DMRTA2: variants seen among roughly 807,000 people sequenced by gnomAD.
DMRTA2 encodes the protein doublesex- and mab-3-related transcription factor A2.
Under a neutral mutation model 29.7 loss-of-function variants are expected in DMRTA2, and 10 were observed. The ratio of observed to expected loss-of-function variants is 0.34; its 90% CI spans 0.21 to 0.57. The LOEUF (loss-of-function observed/expected upper bound fraction) is 0.57. DMRTA2 is among the 20% of genes least tolerant of loss of function. The pLI is 0.87. For synonymous variants in DMRTA2, 469 were observed against 402.6 expected (o/e 1.16, Z -1.97); for missense variants, 783 against 812.1 (o/e 0.96, Z 0.44).
At position 50,419,063 on chromosome 1, in the gene DMRTA2, C is replaced by G; in HGVS notation, c.1231G>C (p.Ala411Pro). The G allele has an allele frequency of 7.8e-7, 1 of 1,282,050 alleles. No homozygotes were observed. Among genetic ancestry groups the G allele is most frequent in the South Asian group, 2.5e-5 (1 of 40,502 alleles). 79.4% of individuals were successfully genotyped at this position (1,282,050 alleles called of 1,614,324 possible). ...AAGGGTCTGTGGTGCGGAGGTGCGG[C>G]GGGCCCCGCCTGCAGCGGCGCAGGC... ...GLPAPLQAGP[A>P]APPHHRPLLA... The change falls in exon 3 of 3, where the codon GCC becomes CCC. Residue 411 changes from alanine (A) to proline (P), a missense_variant. By Grantham distance (27) the Ala-to-Pro change is conservative. Around this residue, in one of 3 missense-constraint regions of DMRTA2, gnomAD observed 667 missense variants for 624.8 expected, o/e 1.07. Coordinates refer to ENST00000404795, the MANE Select transcript of DMRTA2 (RefSeq NM_032110.3). This position sits in a 1 kb window ranked among gnomAD's most constrained non-coding sequence, Gnocchi z 6.1.
rs543526149 is a variant in DMRTA2, at chr1:50,418,481, A to C, written c.*184T>G. On this transcript the variant is annotated 3_prime_UTR_variant, in exon 3 of 3. Coordinates refer to ENST00000404795, the MANE Select transcript of DMRTA2 (RefSeq NM_032110.3). ...TCCGAGAACACCTGCACCTGTCTGTAGCTGCTCCCCCTTTGCTCAGCCTTC... is the reference window on the plus strand; with the variant it reads ...TCCGAGAACACCTGCACCTGTCTGTCGCTGCTCCCCCTTTGCTCAGCCTTC... 1 of 434,298 alleles carries C rather than the reference A, an allele frequency of 2.3e-6. No individual in the cohort carries two copies. Among genetic ancestry groups the C allele is most frequent in the African/African-American group, 2.0e-5 (1 of 48,818 alleles). 26.9% of individuals were successfully genotyped at this position (434,298 alleles called of 1,614,324 possible).
At position 50,418,938 on chromosome 1, in the gene DMRTA2, C is replaced by T. The variant is rs955313924; in HGVS notation, c.1356G>A (p.Ala452=). 5 of 1,438,290 alleles carry T rather than the reference C, an allele frequency of 3.5e-6. No homozygotes were observed. Among genetic ancestry groups the T allele is most frequent in the Non-Finnish European group, 4.5e-6 (5 of 1,101,670 alleles). The allele number at this position is 1,438,290 out of a possible 1,614,324, so 89.1% of individuals were successfully genotyped here. The part of the protein sequence containing the change: ...QPNASHFGAD[A]GAYPLGAPLG... ...GCGGCGCGCCCAGCGGGTAGGCGCC[C>T]GCGTCGGCACCGAAGTGACTGGCGT... Residue 452 remains alanine (A), a synonymous_variant, in exon 3 of 3, where the codon GCG becomes GCA. Coordinates refer to ENST00000404795, the MANE Select transcript of DMRTA2 (RefSeq NM_032110.3).
chr1:50,421,052 G>A lies in DMRTA2; in HGVS notation c.485C>T (p.Ala162Val). 1.3e-6 allele frequency: 2 copies of A among 1,514,116 alleles called. No individual in the cohort carries two copies. Among genetic ancestry groups the A allele is most frequent in the Non-Finnish European group, 1.8e-6 (2 of 1,137,698 alleles). The allele number at this position is 1,514,116 out of a possible 1,614,324, so 93.8% of individuals were successfully genotyped here. Residue 162 changes from alanine (A) to valine (V), a missense_variant, in exon 2 of 3, where the codon GCC becomes GTC. By Grantham distance (64) the Ala-to-Val change is moderately conservative. Transcript: ENST00000404795. This position sits in a 1 kb window ranked among gnomAD's most constrained non-coding sequence, Gnocchi z 8.7. ...PAYEVFGSVC[A>V]ADGGGPGAGA... The stretch of plus-strand genomic sequence containing the variant: ...CGCTCCAGGTCCCCCGCCGTCGGCG[G>A]CGCACACTGAACCGAAGACCTCGTA...
rs755482672 is a variant in DMRTA2 at position 50,420,167 on chromosome 1, G to A, written c.560-433C>T. 6.6e-6 allele frequency among the ~76,000 whole-genome samples: 1 copy of A among 152,176 alleles called. No individual in the cohort carries two copies. The highest frequency in any genetic ancestry group is 2.4e-5 in the African/African-American group (1 of 41,444). ...AATGCCTGCCCTGGCAGTGCAGCCT[G>A]TAAGGAAAGGCGCCTTGGTTATCTA... On this transcript the variant is annotated intron_variant, in intron 2 of 2. Coordinates refer to ENST00000404795, the MANE Select transcript of DMRTA2 (RefSeq NM_032110.3). The surrounding 1 kb of genome is among the most constrained non-coding windows in gnomAD (Gnocchi z 4.1).
At position 50,419,803 on chromosome 1, in the gene DMRTA2, T is replaced by A; in HGVS notation, c.560-69A>T. The A allele has an allele frequency of 7.6e-7, 1 of 1,317,112 alleles. No homozygotes were observed. Among genetic ancestry groups the A allele is most frequent in the African/African-American group, 1.6e-5 (1 of 64,052 alleles). 81.6% of individuals were successfully genotyped at this position (1,317,112 alleles called of 1,614,324 possible). A position where few individuals can be genotyped will look rare whatever the true frequency, so the allele number is the denominator to read the frequency against. On this transcript the variant is annotated intron_variant, in intron 2 of 2. Coordinates refer to ENST00000404795, the MANE Select transcript of DMRTA2 (RefSeq NM_032110.3). The surrounding 1 kb of genome is among the most constrained non-coding windows in gnomAD (Gnocchi z 6.1). ...GACAGCAGTCACAGCACCTCGGCCC[T>A]TTGGATCTCAGTTTCCTCTCCCTCA...
chr1:50,419,562 G>A lies in DMRTA2; in HGVS notation c.732C>T (p.Gly244=). 6.4e-7 allele frequency: 1 copy of A among 1,560,568 alleles called. No individual in the cohort carries two copies. Among genetic ancestry groups the A allele is most frequent in the East Asian group, 2.4e-5 (1 of 42,540 alleles). Residue 244 remains glycine, a synonymous_variant, in exon 3 of 3, where the codon GGC becomes GGT. Coordinates refer to ENST00000404795, the MANE Select transcript of DMRTA2 (RefSeq NM_032110.3). This position sits in a 1 kb window ranked among gnomAD's most constrained non-coding sequence, Gnocchi z 6.1. ...CTAGGGGCGAACCAGAAAAGGACTC[G>A]CCATCGCCGTTCTCCGAGCCTGAGC... ...RPGSGSENGD[G]ESFSGSPLAR... is the part of the protein sequence containing the mutation.
Position 50,421,667 on chromosome 1 carries a change from A to G in DMRTA2, c.-8-123T>C. 1 of 1,127,692 alleles carries G rather than the reference A, an allele frequency of 8.9e-7. No individual in the cohort carries two copies. The highest frequency in any genetic ancestry group is 4.6e-5 in the South Asian group (1 of 21,900). The allele number at this position is 1,127,692 out of a possible 1,614,324, so 69.9% of individuals were successfully genotyped here. Reference sequence around the variant, plus strand: ...AAATTTGGGCCGCGGAGGCTGGGCTAGAGGGGCCAGAATTGCTGGGAGGAG... The same window carrying G: ...AAATTTGGGCCGCGGAGGCTGGGCTGGAGGGGCCAGAATTGCTGGGAGGAG... On this transcript the variant is annotated intron_variant, in intron 1 of 2. Coordinates refer to ENST00000404795, the MANE Select transcript of DMRTA2 (RefSeq NM_032110.3). The surrounding 1 kb of genome is among the most constrained non-coding windows in gnomAD (Gnocchi z 8.7).
At position 50,421,511 on chromosome 1, in the gene DMRTA2, C is replaced by T. The variant is rs1212645547; in HGVS notation, c.26G>A (p.Ser9Asn). Residue 9 changes from serine to asparagine, a missense_variant, in exon 2 of 3, where the codon AGC (serine) becomes AAC (asparagine). Transcript: ENST00000404795. This position sits in a 1 kb window ranked among gnomAD's most constrained non-coding sequence, Gnocchi z 8.7. MELRSELP[S>N]VPGAATAAAA... ...CGCCGCCGTCGCCGCGCCGGGCACG[C>T]TGGGCAGCTCCGAGCGCAGCTCCAT... 5.5e-6 allele frequency: 7 copies of T among 1,266,732 alleles called. No individual in the cohort carries two copies. In the East Asian group the frequency reaches 2.2e-4, roughly 40 times the overall value. 78.5% of individuals were successfully genotyped at this position (1,266,732 alleles called of 1,614,324 possible).
chr1:50,421,644 A>G lies in DMRTA2; in HGVS notation c.-8-100T>C. ...TGAGGAACCCAAGCTGGAGAGGGAAATTTGGGCCGCGGAGGCTGGGCTAGA... is the reference window on the plus strand; with the variant it reads ...TGAGGAACCCAAGCTGGAGAGGGAAGTTTGGGCCGCGGAGGCTGGGCTAGA... On this transcript the variant is annotated intron_variant, in intron 1 of 2. Transcript: ENST00000404795. The surrounding 1 kb of genome is among the most constrained non-coding windows in gnomAD (Gnocchi z 8.7). 8.4e-6 allele frequency: 10 copies of G among 1,189,420 alleles called. No homozygotes were observed. The highest frequency in any genetic ancestry group is 1.0e-5 in the Non-Finnish European group (10 of 960,560). 73.7% of individuals were successfully genotyped at this position (1,189,420 alleles called of 1,614,324 possible). A position where few individuals can be genotyped will look rare whatever the true frequency, so the allele number is the denominator to read the frequency against.
rs577335433 is a variant in DMRTA2 at position 50,418,646 on chromosome 1, G to C, written c.*19C>G. ...TGGGGTTCCTGTTTGGGGACCGGCCGGCTGCCAGGCCCCTCGCCCTACTGC... is the reference window on the plus strand; with the variant it reads ...TGGGGTTCCTGTTTGGGGACCGGCCCGCTGCCAGGCCCCTCGCCCTACTGC... On this transcript the variant is annotated 3_prime_UTR_variant, in exon 3 of 3. Transcript: ENST00000404795. The C allele has an allele frequency of 3.3e-5, 46 of 1,373,716 alleles. No homozygotes were observed. The highest frequency in any genetic ancestry group is 2.8e-4 in the South Asian group (16 of 57,522). The allele number at this position is 1,373,716 out of a possible 1,614,324, so 85.1% of individuals were successfully genotyped here.
At position 50,420,901 on chromosome 1, in the gene DMRTA2, C is replaced by CCGAGACAA; in HGVS notation, c.559+69_559+76dup. On this transcript the variant is annotated intron_variant, in intron 2 of 2. Coordinates refer to ENST00000404795, the MANE Select transcript of DMRTA2 (RefSeq NM_032110.3). This position sits in a 1 kb window ranked among gnomAD's most constrained non-coding sequence, Gnocchi z 4.1. The stretch of plus-strand genomic sequence containing the variant: ...ACACGGGGGTTCTACTCTTTCTGAA[C>CCGAGACAA]CGAGACAAGCCCCTGGGCCCCGTGC... 1 of 1,386,934 alleles carries CCGAGACAA rather than the reference C, an allele frequency of 7.2e-7. No homozygotes were observed. The highest frequency in any genetic ancestry group is 9.3e-7 in the Non-Finnish European group (1 of 1,078,796). 85.9% of individuals were successfully genotyped at this position (1,386,934 alleles called of 1,614,324 possible). A position where few individuals can be genotyped will look rare whatever the true frequency, so the allele number is the denominator to read the frequency against.
chr1:50,418,664 C>A lies in DMRTA2; in HGVS notation c.*1G>T. 7.2e-7 allele frequency: 1 copy of A among 1,395,818 alleles called. No individual in the cohort carries two copies. The highest frequency in any genetic ancestry group is 9.3e-7 in the Non-Finnish European group (1 of 1,073,280). 86.5% of individuals were successfully genotyped at this position (1,395,818 alleles called of 1,614,324 possible). A position where few individuals can be genotyped will look rare whatever the true frequency, so the allele number is the denominator to read the frequency against. On this transcript the variant is annotated 3_prime_UTR_variant, in exon 3 of 3. Transcript: ENST00000404795. ...ACCGGCCGGCTGCCAGGCCCCTCGC[C>A]CTACTGCTTCTCCGGAGCGCCGTTG...
rs997073753 is a variant in DMRTA2 at position 50,419,281 on chromosome 1, C to T, written c.1013G>A (p.Gly338Asp). The stretch of plus-strand genomic sequence containing the variant: ...GGCCTGCACCACGTCGCCGCCGCAG[C>T]CCTGCAACACCAGCTCCAGGACGCC... ...RRGVLELVLQGCGGDVVQAIE... is the reference protein window; with the variant it reads ...RRGVLELVLQDCGGDVVQAIE... The change falls in exon 3 of 3, where the codon GGC (glycine) becomes GAC (aspartate). Residue 338 changes from glycine to aspartate, a missense_variant. Physicochemically the swap from Gly to Asp is moderately conservative, Grantham distance 94. This residue lies in a region of DMRTA2 where 667 missense variants were observed against 624.8 expected (regional missense o/e 1.07). Transcript: ENST00000404795. The surrounding 1 kb of genome is among the most constrained non-coding windows in gnomAD (Gnocchi z 6.1). 1.3e-6 allele frequency: 2 copies of T among 1,592,832 alleles called. No homozygotes were observed.
chr1:50,419,484 G>T lies in DMRTA2; in HGVS notation c.810C>A (p.Gly270=). ...GGSCPGSAGP[G]GGGEEDSPGS... ...CCGGGCTGTCCTCCTCGCCGCCGCCGCCAGGGCCAGCGCTGCCTGGGCAGC... is the reference window on the plus strand; with the variant it reads ...CCGGGCTGTCCTCCTCGCCGCCGCCTCCAGGGCCAGCGCTGCCTGGGCAGC... The change falls in exon 3 of 3, where the codon GGC becomes GGA. Residue 270 remains glycine (G), a synonymous_variant. Coordinates refer to ENST00000404795, the MANE Select transcript of DMRTA2 (RefSeq NM_032110.3). The surrounding 1 kb of genome is among the most constrained non-coding windows in gnomAD (Gnocchi z 6.1). The T allele has an allele frequency of 6.3e-7, 1 of 1,593,404 alleles. No homozygotes were observed. Among genetic ancestry groups the T allele is most frequent in the Non-Finnish European group, 8.5e-7 (1 of 1,174,478 alleles).
chr1:50,421,600 C>G lies in DMRTA2; in HGVS notation c.-8-56G>C. 1 of 1,218,276 alleles carries G rather than the reference C, an allele frequency of 8.2e-7. No individual in the cohort carries two copies. The highest frequency in any genetic ancestry group is 1.0e-6 in the Non-Finnish European group (1 of 980,382). The allele number at this position is 1,218,276 out of a possible 1,614,324, so 75.5% of individuals were successfully genotyped here. On this transcript the variant is annotated intron_variant, in intron 1 of 2. Coordinates refer to ENST00000404795, the MANE Select transcript of DMRTA2 (RefSeq NM_032110.3). The surrounding 1 kb of genome is among the most constrained non-coding windows in gnomAD (Gnocchi z 8.7). ...GACCTGGTGAGGAGCACACCGCGCG[C>G]TAGGCCAAAGCGCCGCCTTGAGGAA...
In DMRTA2 at chr1:50,422,444, G is replaced by A. The variant is rs139631655; in HGVS notation, c.-9+672C>T. 1.3e-4 allele frequency among the ~76,000 whole-genome samples: 20 copies of A among 152,350 alleles called. No homozygotes were observed. The East Asian group carries it at 3.9e-3, about 29-fold the overall frequency. On this transcript the variant is annotated intron_variant, in intron 1 of 2. Transcript: ENST00000404795. The surrounding 1 kb of genome is among the most constrained non-coding windows in gnomAD (Gnocchi z 5.7). The stretch of plus-strand genomic sequence containing the variant: ...TGAAAAGCAGCTGATCTGGGTGTCC[G>A]GGATCCAGGGGCCGCGCCTGGGAGA...
Position 50,421,521 on chromosome 1 carries a change from C to T in DMRTA2, c.16G>A (p.Glu6Lys). 7.9e-7 allele frequency: 1 copy of T among 1,262,678 alleles called. No homozygotes were observed. The highest frequency in any genetic ancestry group is 9.9e-7 in the Non-Finnish European group (1 of 1,009,560). 78.2% of individuals were successfully genotyped at this position (1,262,678 alleles called of 1,614,324 possible). A position where few individuals can be genotyped will look rare whatever the true frequency, so the allele number is the denominator to read the frequency against. The change falls in exon 2 of 3, where the codon GAG (glutamate) becomes AAG (lysine). Residue 6 changes from glutamate (E) to lysine (K), a missense_variant. Around this residue, in one of 3 missense-constraint regions of DMRTA2, gnomAD observed 40 missense variants for 34.7 expected, o/e 1.15. Transcript: ENST00000404795. This position sits in a 1 kb window ranked among gnomAD's most constrained non-coding sequence, Gnocchi z 8.7. ...GCCGCGCCGGGCACGCTGGGCAGCT[C>T]CGAGCGCAGCTCCATGACAGGACCT... is the stretch of plus-strand genomic sequence containing the variant. The part of the protein sequence containing the change: MELRS[E>K]LPSVPGAATA...
At position 50,421,432 on chromosome 1, in the gene DMRTA2, G is replaced by T; in HGVS notation, c.105C>A (p.Ala35=). The T allele has an allele frequency of 7.4e-7, 1 of 1,345,082 alleles. No homozygotes were observed. Among genetic ancestry groups the T allele is most frequent in the Non-Finnish European group, 9.5e-7 (1 of 1,051,912 alleles). The allele number at this position is 1,345,082 out of a possible 1,614,324, so 83.3% of individuals were successfully genotyped here. ...CCGGTAGCGATGCAGCGGCCGCCGC[G>T]GCTGCCGCCACCGACGCCACCGACG... is the stretch of plus-strand genomic sequence containing the variant. ...PVASVASVAA[A]AAAAASLPVS... Residue 35 remains alanine (A), a synonymous_variant, in exon 2 of 3, where the codon GCC becomes GCA. Transcript: ENST00000404795. This position sits in a 1 kb window ranked among gnomAD's most constrained non-coding sequence, Gnocchi z 8.7.
Position 50,418,703 on chromosome 1 carries a change from A to T in DMRTA2, c.1591T>A (p.Tyr531Asn). 6.7e-7 allele frequency: 1 copy of T among 1,495,084 alleles called. No homozygotes were observed. The highest frequency in any genetic ancestry group is 8.9e-7 in the Non-Finnish European group (1 of 1,127,510). 92.6% of individuals were successfully genotyped at this position (1,495,084 alleles called of 1,614,324 possible). Residue 531 changes from tyrosine (Y) to asparagine (N), a missense_variant, in exon 3 of 3, where the codon TAC becomes AAC. Physicochemically the swap from Tyr to Asn is moderately radical, Grantham distance 143. Coordinates refer to ENST00000404795, the MANE Select transcript of DMRTA2 (RefSeq NM_032110.3). ...HKEPTYGGGL[Y>N]GPMVNGAPEK... ...GGAGCGCCGTTGACCATAGGCCCGT[A>T]CAGGCCGCCGCCGTAGGTCGGCTCC...
Sources: gnomAD v4.1 joint callset for allele counts (sites outside exome capture counted in the v4.1 genomes callset) on GRCh38, gnomAD v4.1.1 for gene constraint, gnomAD v4.1.1 regional missense constraint, Gnocchi (gnomAD v3.1) non-coding constraint, MANE v1.5 for transcripts, NCBI Gene and HGNC (gene_info 2026-07-23, HGNC 2026-07-21) for gene names.